RREB1: variants seen among roughly 807,000 people sequenced by gnomAD.
RREB1 encodes the protein ras responsive element binding protein 1, also known as ras-responsive element-binding protein 1.
A neutral mutation model predicts 117.8 loss-of-function variants in RREB1; 27 were observed. The observed-to-expected ratio is 0.23, with a 90% CI of 0.17 to 0.32. The LOEUF is 0.32. RREB1 is among the 10% of genes least tolerant of loss of function. The pLI is 1.00. For synonymous variants in RREB1, 1,298 were observed against 1,026.7 expected (o/e 1.26, Z -5.05); for missense variants, 2,577 against 2,378.2 (o/e 1.08, Z -1.74).
At chr6:7,137,303 G>T (rs1762383814) in intron 1 of RREB1, among the ~76,000 whole-genome samples, 1 of 152,212 alleles carries the variant, frequency 6.6e-6, no homozygotes, top group African/African-American at 2.4e-5. Context: ...ATAGACTCGG[G>T]TACAGGGAGG....
intron 1 of RREB1, among the ~76,000 whole-genome samples, chr6:7,142,313 C>G (rs1762639150): frequency 6.6e-6 from 1 of 152,242 alleles, no homozygotes; most frequent in African/African-American, 2.4e-5. Flanking sequence ...ACACCCTCCT[C>G]CGAGAGCCGG....
chr6:7,202,180 C>T (rs184064984), intron 6 of RREB1, among the ~76,000 whole-genome samples: 1 of 152,298 alleles, frequency 6.6e-6, no homozygotes, highest in East Asian at 1.9e-4. Context: ...TTCTTGCACT[C>T]GCCCACGGCA....
chr6:7,171,046 T>G (rs1375993243), intron 1 of RREB1, among the ~76,000 whole-genome samples: 1 of 152,158 alleles, frequency 6.6e-6, no homozygotes, highest in African/African-American at 2.4e-5. Flanking sequence ...GGGTCTGTAG[T>G]AGTTAATTTC....
intron 4 of RREB1, among the ~76,000 whole-genome samples, chr6:7,182,399 GT>G (rs1288604593): frequency 6.6e-6 from 1 of 152,144 alleles, no homozygotes; most frequent in African/African-American, 2.4e-5. Flanking sequence ...GATGTGGTTT[GT>G]TTCCTCATTC....
intron 8 of RREB1, among the ~76,000 whole-genome samples, chr6:7,223,124 C>T (rs1581561599): frequency 6.6e-6 from 1 of 151,898 alleles, no homozygotes; most frequent in Non-Finnish European, 1.5e-5. Context: ...GGCATAGTGG[C>T]ACATGCCTAT....
At chr6:7,155,045 G>A (rs9505050) in intron 1 of RREB1, among the ~76,000 whole-genome samples, 4,232 of 152,252 alleles carry the variant, frequency 0.028, 187 homozygotes, top group African/African-American at 0.095. Flanking sequence ...GGGGCGGAAC[G>A]AAGGGGCCTA....
At chr6:7,160,920 G>GT (rs1763629214) in intron 1 of RREB1, among the ~76,000 whole-genome samples, 1 of 152,028 alleles carries the variant, frequency 6.6e-6, no homozygotes, top group African/African-American at 2.4e-5. Context: ...TCCTGACCTC[G>GT]TGATCCACCC....
intron 1 of RREB1, among the ~76,000 whole-genome samples, chr6:7,122,986 G>A (rs1761742338): frequency 6.6e-6 from 1 of 152,190 alleles, no homozygotes; most frequent in Non-Finnish European, 1.5e-5. Flanking sequence ...CATACTCTCT[G>A]TTGGGTAATG....
intron 1 of RREB1, among the ~76,000 whole-genome samples, chr6:7,144,300 T>G (rs377019142): frequency 3.3e-4 from 51 of 152,358 alleles, no homozygotes; most frequent in African/African-American, 1.1e-3. Context: ...TGTATACATG[T>G]ATCAAAACCT....
intron 1 of RREB1, among the ~76,000 whole-genome samples, chr6:7,109,272 C>T (rs551846505): frequency 4.6e-5 from 7 of 152,050 alleles, no homozygotes; most frequent in African/African-American, 1.7e-4. Flanking sequence ...CCCCAACTTC[C>T]CGCACAAGCC....
intron 10 of RREB1, 30 bp downstream of exon 10, chr6:7,231,937 G>GA (rs1270028785): frequency 6.4e-7 from 1 of 1,553,898 alleles, no homozygotes; most frequent in Non-Finnish European, 8.7e-7. Context: ...CCCAGGCAGT[G>GA]AGTCCTACTT....
chr6:7,143,168 C>T (rs1437970967), intron 1 of RREB1, among the ~76,000 whole-genome samples: 1 of 152,206 alleles, frequency 6.6e-6, no homozygotes, highest in Non-Finnish European at 1.5e-5. Flanking sequence ...TTGCTTGCTG[C>T]AAACCCGAGT....
At chr6:7,141,807 C>G (rs2113388333) in intron 1 of RREB1, among the ~76,000 whole-genome samples, 1 of 152,338 alleles carries the variant, frequency 6.6e-6, no homozygotes, top group Non-Finnish European at 1.5e-5. Context: ...TAGGACAGAG[C>G]CCAGGAGAAC....
chr6:7,217,579 C>T (rs1302020598), intron 8 of RREB1: 1 of 152,194 alleles, frequency 6.6e-6, no homozygotes, highest in Non-Finnish European at 1.5e-5. Context: ...TCCGTCCCAG[C>T]CTGCCGCCTG....
chr6:7,144,692 C>T (rs1321844250), intron 1 of RREB1, among the ~76,000 whole-genome samples: 1 of 150,956 alleles, frequency 6.6e-6, no homozygotes, highest in Non-Finnish European at 1.5e-5. Context: ...TTCTACTGTG[C>T]TTTACATATT....
At chr6:7,153,462 A>T (rs1050632470) in intron 1 of RREB1, among the ~76,000 whole-genome samples, 11 of 147,336 alleles carry the variant, frequency 7.5e-5, no homozygotes, top group African/African-American at 2.8e-4. Context: ...CAATGTATTT[A>T]CTTTTCACAT....
intron 8 of RREB1, among the ~76,000 whole-genome samples, chr6:7,223,351 C>T (rs1767382109): frequency 6.6e-6 from 1 of 150,694 alleles, no homozygotes; most frequent in South Asian, 2.1e-4. Flanking sequence ...CAGCTGAGGT[C>T]AGGAGTTCAA....
chr6:7,183,951 G>A (rs191446926), intron 4 of RREB1: 74 of 152,116 alleles, frequency 4.9e-4, no homozygotes, highest in African/African-American at 1.7e-3. Flanking sequence ...GTGCCAGATT[G>A]TTTCATTATG....
At chr6:7,129,314 A>G (rs962295035) in intron 1 of RREB1, among the ~76,000 whole-genome samples, 2 of 152,200 alleles carry the variant, frequency 1.3e-5, no homozygotes, top group Non-Finnish European at 2.9e-5. Flanking sequence ...TTGGAGGGAT[A>G]GTGGGGCAAG....
Sources: gnomAD v4.1 joint callset for allele counts (sites outside exome capture counted in the v4.1 genomes callset) on GRCh38, gnomAD v4.1.1 for gene constraint, MANE v1.5 for transcripts, NCBI Gene and HGNC (gene_info 2026-07-23, HGNC 2026-07-21) for gene names.